ISG20: variants seen among roughly 807,000 people sequenced by gnomAD.
The protein encoded by ISG20 is interferon-stimulated gene 20 kDa protein.
A neutral mutation model predicts 11.1 loss-of-function variants in ISG20; 8 were observed. The ratio of observed to expected loss-of-function variants is 0.72; its 90% CI spans 0.42 to 1.30. The LOEUF is 1.30. Among genes scored for constraint, ISG20 ranks in the 50% most tolerant of loss-of-function variants. The probability of loss-of-function intolerance (pLI) is 0.01; values close to 1 mark genes in which losing one functional copy is unlikely to be tolerated. For synonymous variants in ISG20, 110 were observed against 101.7 expected (o/e 1.08, Z -0.49); for missense variants, 243 against 250.2 (o/e 0.97, Z 0.19).
chr15:88,640,363 T>C (rs970631084), intron 2 of ISG20, among the ~76,000 whole-genome samples: 4 of 152,056 alleles, frequency 2.6e-5, no homozygotes, highest in Admixed American at 2.6e-4. Flanking sequence ...ATGACAACAA[T>C]AGCTACTATT....
chr15:88,653,156 C>G (rs968912130), intron 3 of ISG20, among the ~76,000 whole-genome samples: 1 of 152,104 alleles, frequency 6.6e-6, no homozygotes, highest in Non-Finnish European at 1.5e-5. Flanking sequence ...ATCCTAGAGA[C>G]GCAGGGTGAG....
intron 2 of ISG20, among the ~76,000 whole-genome samples, chr15:88,644,623 G>C (rs1366124424): frequency 6.6e-6 from 1 of 151,872 alleles, no homozygotes; most frequent in South Asian, 2.1e-4. Context: ...GGCAGACAGA[G>C]AATTGGAGTG....
chr15:88,655,383 C>G (rs767779025), intron 3 of ISG20, 32 bp from the exon 4 acceptor site: 2 of 1,594,544 alleles, frequency 1.3e-6, no homozygotes, highest in Non-Finnish European at 8.6e-7. Context: ...TCAGCCTCAT[C>G]CCAAGTCCCC....
At chr15:88,644,300 G>A (rs1294742607) in intron 2 of ISG20, among the ~76,000 whole-genome samples, 2 of 152,014 alleles carry the variant, frequency 1.3e-5, no homozygotes, top group Non-Finnish European at 2.9e-5. Flanking sequence ...TTGGGAGGCC[G>A]AGGTGGGCAG....
At position 88,655,645 on chromosome 15, in the gene ISG20, A is replaced by G. The variant is rs1397848711; in HGVS notation, c.*114A>G. ...AGTAAAGTGGCTCTATATTTTCTCTACGCCATCACTGGGTCCTCTTCTTAT... is the reference window on the plus strand; with the variant it reads ...AGTAAAGTGGCTCTATATTTTCTCTGCGCCATCACTGGGTCCTCTTCTTAT... On this transcript the variant is annotated 3_prime_UTR_variant, in exon 4 of 4. Transcript: ENST00000306072. 1.5e-6 allele frequency: 1 copy of G among 676,008 alleles called. No homozygotes were observed. Among genetic ancestry groups the G allele is most frequent in the Non-Finnish European group, 2.5e-6 (1 of 400,262 alleles). The allele number at this position is 676,008 out of a possible 1,614,324, so 41.9% of individuals were successfully genotyped here. A position where few individuals can be genotyped will look rare whatever the true frequency, so the allele number is the denominator to read the frequency against.
At chr15:88,646,648 C>G (rs367768348) in intron 2 of ISG20, among the ~76,000 whole-genome samples, 1 of 152,308 alleles carries the variant, frequency 6.6e-6, no homozygotes, top group Admixed American at 6.5e-5. Flanking sequence ...CTCACGGGCC[C>G]CCAAATGTGC....
At chr15:88,636,769 A>G (rs1406071086), upstream of ISG20, among the ~76,000 whole-genome samples, 1 of 152,188 alleles carries the variant, frequency 6.6e-6, no homozygotes, top group Non-Finnish European at 1.5e-5. Context: ...CCTGGCCTCA[A>G]GCAAATCCGC....
At chr15:88,642,281 A>G (rs1225576861) in intron 2 of ISG20, among the ~76,000 whole-genome samples, 1 of 152,130 alleles carries the variant, frequency 6.6e-6, no homozygotes, top group East Asian at 1.9e-4. Context: ...AGCCCACCCT[A>G]CTACTCCAGT....
chr15:88,644,437 C>A (rs140646877), intron 2 of ISG20, among the ~76,000 whole-genome samples: 1,957 of 149,210 alleles, frequency 0.013, 16 homozygotes, highest in Non-Finnish European at 0.021. Flanking sequence ...GAGGCTGAGG[C>A]AGGAGAATTG....
chr15:88,640,465 C>T (rs892643992), intron 2 of ISG20, among the ~76,000 whole-genome samples: 1 of 152,206 alleles, frequency 6.6e-6, no homozygotes, highest in Admixed American at 6.5e-5. Flanking sequence ...CCAGGCAGGT[C>T]CTCAGGAACT....
intron 2 of ISG20, among the ~76,000 whole-genome samples, chr15:88,644,177 G>A (rs1217340779): frequency 6.6e-6 from 1 of 152,182 alleles, no homozygotes; most frequent in Non-Finnish European, 1.5e-5. Context: ...ATAAAAACCA[G>A]TTTCAAGAAA....
chr15:88,639,546 C>T lies in ISG20; in HGVS notation c.180C>T (p.Thr60=). The part of the protein sequence containing the change: ...TDYRTRVSGV[T]PQHMVGATPF... ...ACAGAACCCGGGTCAGCGGGGTCAC[C>T]CCTCAGCACATGGTGGGGGCCACAC... The change falls in exon 2 of 4, where the codon ACC becomes ACT. Residue 60 remains threonine, a synonymous_variant. Transcript: ENST00000306072. This position sits in a 1 kb window ranked among gnomAD's most constrained non-coding sequence, Gnocchi z 4.2. The T allele has an allele frequency of 6.2e-7, 1 of 1,614,196 alleles. No individual in the cohort carries two copies. Among genetic ancestry groups the T allele is most frequent in the Non-Finnish European group, 8.5e-7 (1 of 1,180,032 alleles).
chr15:88,645,163 C>T (rs1483747823), intron 2 of ISG20, among the ~76,000 whole-genome samples: 1 of 152,176 alleles, frequency 6.6e-6, no homozygotes, highest in Non-Finnish European at 1.5e-5. Flanking sequence ...CCGGGCTTCT[C>T]AGTTCCTGCT....
chr15:88,653,979 G>T (rs1306562226), intron 3 of ISG20, among the ~76,000 whole-genome samples: 1 of 152,164 alleles, frequency 6.6e-6, no homozygotes, highest in African/African-American at 2.4e-5. Flanking sequence ...TTTAAGGCAG[G>T]TATAATCAGG....
intron 2 of ISG20, chr15:88,647,220 A>C (rs555364864): frequency 1.3e-5 from 2 of 151,676 alleles, no homozygotes; most frequent in South Asian, 4.2e-4. Context: ...GCTTTAGGCC[A>C]CTGATGTGAG....
chr15:88,636,482 A>T (rs1191096667), upstream of ISG20, among the ~76,000 whole-genome samples: 1 of 152,218 alleles, frequency 6.6e-6, no homozygotes, highest in Non-Finnish European at 1.5e-5. Flanking sequence ...ACAGTAAATG[A>T]ACAAGTAAAA....
rs887094635 is a variant in ISG20, at chr15:88,652,175, G to T, written c.294G>T (p.Leu98=). Residue 98 remains leucine, a synonymous_variant, in exon 3 of 4, where the codon CTG becomes CTT. Coordinates refer to ENST00000306072, the MANE Select transcript of ISG20 (RefSeq NM_002201.6). The stretch of plus-strand genomic sequence containing the variant: ...ACCTGAAGCACGACTTCCAGGCACT[G>T]AAAGAGGACATGAGCGGCTACACAA... ...GHDLKHDFQA[L]KEDMSGYTIY... 6.2e-7 allele frequency: 1 copy of T among 1,614,120 alleles called. No individual in the cohort carries two copies.
Position 88,639,689 on chromosome 15 carries a change from C to T in ISG20, c.228+95C>T. On this transcript the variant is annotated intron_variant, in intron 2 of 3. Coordinates refer to ENST00000306072, the MANE Select transcript of ISG20 (RefSeq NM_002201.6). This position sits in a 1 kb window ranked among gnomAD's most constrained non-coding sequence, Gnocchi z 4.2. Reference sequence around the variant, plus strand: ...TGGTGCCCATCTGTGACCTGTGACCCCACTTGTAAGATTTCCCACACTGCT... The same window carrying T: ...TGGTGCCCATCTGTGACCTGTGACCTCACTTGTAAGATTTCCCACACTGCT... The T allele has an allele frequency of 1.1e-6, 1 of 946,100 alleles. No individual in the cohort carries two copies. Among genetic ancestry groups the T allele is most frequent in the Non-Finnish European group, 1.6e-6 (1 of 621,886 alleles). 58.6% of individuals were successfully genotyped at this position (946,100 alleles called of 1,614,324 possible).
intron 2 of ISG20, 27 bp from the exon 3 acceptor site, chr15:88,652,083 G>A: frequency 1.2e-6 from 2 of 1,613,718 alleles, no homozygotes; most frequent in East Asian, 4.5e-5. Context: ...GGGTCATGTA[G>A]GGGTGGGCAC....
Sources: allele counts gnomAD v4.1 joint callset (sites outside exome capture counted in the v4.1 genomes callset), GRCh38; gene constraint gnomAD v4.1.1; non-coding constraint Gnocchi (gnomAD v3.1); transcripts MANE v1.5; gene names NCBI Gene and HGNC (gene_info 2026-07-23, HGNC 2026-07-21).